CENPE: variants seen among roughly 807,000 people sequenced by gnomAD.
CENPE encodes the protein centromere-associated protein E.
A neutral mutation model predicts 336.1 loss-of-function variants in CENPE; 145 were observed. The observed-to-expected ratio is 0.43, with a 90% CI of 0.38 to 0.50. The LOEUF (loss-of-function observed/expected upper bound fraction) is 0.50. Ranked by LOEUF, CENPE falls within the 20% of genes least tolerant of loss-of-function variation. The probability of loss-of-function intolerance (pLI) is 0.00; values close to 1 mark genes in which losing one functional copy is unlikely to be tolerated. For missense variants in CENPE, 2,719 were observed against 3,023.3 expected (o/e 0.90, Z 2.36); for synonymous variants, 1,013 against 984.8 (o/e 1.03, Z -0.54).
intron 23 of CENPE, 26 bp downstream of exon 23, chr4:103,158,587 TC>T (rs943080681): frequency 7.0e-6 from 11 of 1,562,308 alleles, no homozygotes; most frequent in African/African-American, 1.4e-5. Context: ...CTCCAATTTT[TC>T]AAAGTTTAAT....
At chr4:103,129,506 AGGTG>A (rs1751402653) in intron 42 of CENPE, among the ~76,000 whole-genome samples, 1 of 152,164 alleles carries the variant, frequency 6.6e-6, no homozygotes, top group Admixed American at 6.5e-5. Context: ...TGGGAGGCCG[AGGTG>A]GGTGGATCAC....
Position 103,161,201 on chromosome 4 carries a change from A to G in CENPE, c.2016T>C (p.Tyr672=). 1 of 1,610,738 alleles carries G rather than the reference A, an allele frequency of 6.2e-7. No individual in the cohort carries two copies. Among genetic ancestry groups the G allele is most frequent in the Non-Finnish European group, 8.5e-7 (1 of 1,178,828 alleles). The change falls in exon 20 of 49, where the codon TAT becomes TAC. Residue 672 remains tyrosine, a synonymous_variant. Transcript: ENST00000265148. The part of the protein sequence containing the change: ...YKQMENDIQL[Y]QSQLEAKKKM... Reference sequence around the variant, plus strand: ...TCTTTTTTGCCTCCAACTGGCTTTGATATAACTGAATATCATTTTCCATTT... The same window carrying G: ...TCTTTTTTGCCTCCAACTGGCTTTGGTATAACTGAATATCATTTTCCATTT...
chr4:103,150,120 C>T (rs558617509), intron 26 of CENPE, among the ~76,000 whole-genome samples: 121 of 152,266 alleles, frequency 7.9e-4, no homozygotes, highest in African/African-American at 2.7e-3. Context: ...AATTTATTTT[C>T]ACTTCCAATA....
Position 103,196,144 on chromosome 4 carries a change from G to C in CENPE, c.238+19C>G. ...CGCCCAAGACTAAAATGTTTCTGCA[G>C]CATTGAGTGAATACAAACCATTGTA... is the stretch of plus-strand genomic sequence containing the variant. On this transcript the variant is annotated intron_variant, in intron 3 of 48. Coordinates refer to ENST00000265148, the MANE Select transcript of CENPE (RefSeq NM_001813.3). 1 of 1,603,284 alleles carries C rather than the reference G, an allele frequency of 6.2e-7. No individual in the cohort carries two copies.
chr4:103,145,215 T>C lies in CENPE; in HGVS notation c.4692A>G (p.Leu1564=), dbSNP rs1385697576. The C allele has an allele frequency of 6.2e-7, 1 of 1,613,826 alleles. No individual in the cohort carries two copies. The highest frequency in any genetic ancestry group is 1.7e-5 in the Admixed American group (1 of 60,018). ...CGAGCATCTTACTTTCTATACTTTG[T>C]AGTGCTGAATCCTTGGCTTTGCGAT... ...KEHRKAKDSA[L]QSIESKMLEL... The change falls in exon 32 of 49, where the codon CTA becomes CTG. Residue 1564 remains leucine, a synonymous_variant. Coordinates refer to ENST00000265148, the MANE Select transcript of CENPE (RefSeq NM_001813.3).
At chr4:103,117,617 C>G (rs1050774211) in intron 44 of CENPE, among the ~76,000 whole-genome samples, 3 of 116,416 alleles carry the variant, frequency 2.6e-5, no homozygotes, top group Non-Finnish European at 5.4e-5. Context: ...CACTCATTTT[C>G]TTTCCTTTTT....
At chr4:103,117,086 C>A (rs1229706121) in intron 44 of CENPE, among the ~76,000 whole-genome samples, 1 of 152,014 alleles carries the variant, frequency 6.6e-6, no homozygotes, top group Non-Finnish European at 1.5e-5. Flanking sequence ...CAAACTAGAA[C>A]TAAATTTAAG....
intron 24 of CENPE, among the ~76,000 whole-genome samples, chr4:103,157,895 T>C (rs1560640555): frequency 6.6e-6 from 1 of 151,974 alleles, no homozygotes; most frequent in Non-Finnish European, 1.5e-5. Flanking sequence ...AGACATGTTA[T>C]TACAAAATTA....
chr4:103,159,657 A>C (rs569335819), intron 21 of CENPE, among the ~76,000 whole-genome samples: 4 of 151,912 alleles, frequency 2.6e-5, no homozygotes, highest in Non-Finnish European at 5.9e-5. Context: ...GGCATTTCTC[A>C]GAATTTGACA....
At chr4:103,143,503 T>C (rs1444366653) in intron 33 of CENPE, 97 bp from the exon 34 acceptor site, 1 of 770,824 alleles carries the variant, frequency 1.3e-6, no homozygotes, top group Non-Finnish European at 2.2e-6. Context: ...TTCCACCCTC[T>C]TCTGAGGCCT....
At position 103,159,154 on chromosome 4, in the gene CENPE, G is replaced by A. The variant is rs762642934; in HGVS notation, c.2457C>T (p.Phe819=). 2 of 1,609,876 alleles carry A rather than the reference G, an allele frequency of 1.2e-6. No homozygotes were observed. The highest frequency in any genetic ancestry group is 1.7e-6 in the Non-Finnish European group (2 of 1,178,476). Residue 819 remains phenylalanine, a synonymous_variant, in exon 22 of 49, where the codon TTC becomes TTT. Coordinates refer to ENST00000265148, the MANE Select transcript of CENPE (RefSeq NM_001813.3). Reference sequence around the variant, plus strand: ...CCATATGAAGGGTTTTGAAATTTTGGAATTCTTGATCAGTGCTTTTATAAT... The same window carrying A: ...CCATATGAAGGGTTTTGAAATTTTGAAATTCTTGATCAGTGCTTTTATAAT... ...QSNYKSTDQE[F]QNFKTLHMDF...
At chr4:103,186,849 G>T (rs766714681) in intron 8 of CENPE, among the ~76,000 whole-genome samples, 13 of 152,146 alleles carry the variant, frequency 8.5e-5, no homozygotes, top group Non-Finnish European at 1.3e-4. Context: ...GAGGAAGCTG[G>T]TCCCAAAAAG....
chr4:103,195,391 A>C (rs1369005054), intron 4 of CENPE, among the ~76,000 whole-genome samples, 158 bp from the exon 5 acceptor site: 1 of 152,092 alleles, frequency 6.6e-6, no homozygotes, highest in Non-Finnish European at 1.5e-5. Flanking sequence ...AAAAATATAA[A>C]AGCATCGTTA....
chr4:103,185,374 A>G (rs1297483444), intron 9 of CENPE, among the ~76,000 whole-genome samples: 1 of 151,392 alleles, frequency 6.6e-6, no homozygotes, highest in Non-Finnish European at 1.5e-5. Flanking sequence ...TTCTTCCTAG[A>G]TATCACATCT....
At chr4:103,148,151 T>C (rs1753222019) in intron 28 of CENPE, among the ~76,000 whole-genome samples, 1 of 152,200 alleles carries the variant, frequency 6.6e-6, no homozygotes, top group African/African-American at 2.4e-5. Flanking sequence ...CTGGGTCACA[T>C]TCTGTCATAC....
chr4:103,173,428 T>C (rs1432544932), intron 16 of CENPE, among the ~76,000 whole-genome samples: 9 of 151,988 alleles, frequency 5.9e-5, no homozygotes, highest in Non-Finnish European at 1.3e-4. Context: ...ATAGTGGAAA[T>C]GCTTCATAAC....
intron 33 of CENPE, among the ~76,000 whole-genome samples, chr4:103,143,725 T>C (rs550301895): frequency 6.6e-5 from 10 of 152,334 alleles, no homozygotes; most frequent in African/African-American, 2.4e-4. Flanking sequence ...GAATTTTCCC[T>C]GTTTTTGTTT....
Position 103,123,041 on chromosome 4 carries a change from A to C in CENPE, c.6973T>G (p.Ser2325Ala), listed in dbSNP as rs749934583. Residue 2325 changes from serine (S) to alanine (A), a missense_variant, in exon 43 of 49, where the codon TCC (serine) becomes GCC (alanine). By Grantham distance (99) the Ser-to-Ala change is moderately conservative. Coordinates refer to ENST00000265148, the MANE Select transcript of CENPE (RefSeq NM_001813.3). ...TEFEERSATI[S>A]KEWEQDLKSL... ...TTCAGGTCCTGTTCCCACTCTTTGG[A>C]TATGGTAGCACTTCTTTCCTCAAAC... The C allele has an allele frequency of 1.9e-6, 3 of 1,613,678 alleles. No homozygotes were observed. The African/African-American group carries it at 4.0e-5, about 22-fold the overall frequency.
In CENPE at chr4:103,193,042, C is replaced by A. The variant is rs536555001; in HGVS notation, c.693+1187G>T. ...AGGCCAGGAGATAATCAGAAAAGAG[C>A]CACCTCTAAAGAGACAGAGATGACT... On this transcript the variant is annotated intron_variant, in intron 8 of 48. Coordinates refer to ENST00000265148, the MANE Select transcript of CENPE (RefSeq NM_001813.3). 2.6e-5 allele frequency among the ~76,000 whole-genome samples: 4 copies of A among 151,618 alleles called. No homozygotes were observed. In the East Asian group the frequency reaches 7.8e-4, roughly 29 times the overall value.
Sources: allele counts gnomAD v4.1 joint callset (sites outside exome capture counted in the v4.1 genomes callset), GRCh38; gene constraint gnomAD v4.1.1; transcripts MANE v1.5; gene names NCBI Gene and HGNC (gene_info 2026-07-23, HGNC 2026-07-21).